SNX3: variants seen among roughly 807,000 people sequenced by gnomAD.
SNX3 encodes the protein sorting nexin 3, also known as sorting nexin-3.
A neutral mutation model predicts 17.7 loss-of-function variants in SNX3; 5 were observed. The ratio of observed to expected loss-of-function variants is 0.28; its 90% CI spans 0.15 to 0.59. The LOEUF (loss-of-function observed/expected upper bound fraction) is 0.59. Among genes scored for constraint, SNX3 ranks in the 20% least tolerant of loss-of-function variants. SNX3 has a pLI of 0.88. For synonymous variants in SNX3, 91 were observed against 76.5 expected (o/e 1.19, Z -0.99); for missense variants, 132 against 206.8 (o/e 0.64, Z 2.22).
intron 1 of SNX3, among the ~76,000 whole-genome samples, chr6:108,227,846 G>C (rs1775022408): frequency 6.6e-6 from 1 of 151,164 alleles, no homozygotes; most frequent in African/African-American, 2.4e-5. Flanking sequence ...TGTTGTTTAA[G>C]GTACTGAACT....
chr6:108,213,437 AG>A (rs1161616337), intron 3 of SNX3, among the ~76,000 whole-genome samples: 2 of 151,968 alleles, frequency 1.3e-5, no homozygotes, highest in Non-Finnish European at 2.9e-5. Flanking sequence ...AGATCACTTG[AG>A]GTCAGGAGTT....
intron 1 of SNX3, among the ~76,000 whole-genome samples, chr6:108,238,502 T>G (rs899619373): frequency 2.0e-5 from 3 of 152,088 alleles, no homozygotes; most frequent in African/African-American, 7.2e-5. Flanking sequence ...CGGTGGCATG[T>G]GCCTGTAGTC....
Position 108,212,041 on chromosome 6 carries a change from C to A in SNX3, c.*108G>T. 3.2e-6 allele frequency: 2 copies of A among 621,970 alleles called. No homozygotes were observed. The allele number at this position is 621,970 out of a possible 1,614,324, so 38.5% of individuals were successfully genotyped here. A position where few individuals can be genotyped will look rare whatever the true frequency, so the allele number is the denominator to read the frequency against. On this transcript the variant is annotated 3_prime_UTR_variant, in exon 4 of 4. Transcript: ENST00000230085. The stretch of plus-strand genomic sequence containing the variant: ...AACTGAGCATATGAGTGTTAGTATA[C>A]TGAAGGCATGTTATACCAGTTTCTG...
intron 1 of SNX3, among the ~76,000 whole-genome samples, chr6:108,257,186 T>C (rs370416376): frequency 3.9e-5 from 6 of 152,080 alleles, no homozygotes; most frequent in Non-Finnish European, 7.3e-5. Flanking sequence ...AGGTAGTCAG[T>C]AGGGGTTCGG....
At chr6:108,260,252 T>C (rs1399150284) in intron 1 of SNX3, among the ~76,000 whole-genome samples, 5 of 152,300 alleles carry the variant, frequency 3.3e-5, no homozygotes, top group African/African-American at 1.2e-4. Context: ...CAGGCTTCTG[T>C]GAACTTTCAT....
At chr6:108,222,859 C>T in intron 2 of SNX3, 91 bp downstream of exon 2, 1 of 762,004 alleles carries the variant, frequency 1.3e-6, no homozygotes, top group African/African-American at 1.8e-5. Flanking sequence ...TTTGCTTTTA[C>T]CCATTTTATT....
chr6:108,226,503 T>C (rs1774978331), intron 1 of SNX3, among the ~76,000 whole-genome samples: 1 of 152,232 alleles, frequency 6.6e-6, no homozygotes, highest in African/African-American at 2.4e-5. Flanking sequence ...TTATATTCTG[T>C]CCGTTAATTC....
intron 1 of SNX3, among the ~76,000 whole-genome samples, chr6:108,240,183 T>G (rs979802181): frequency 2.0e-5 from 3 of 152,088 alleles, no homozygotes; most frequent in African/African-American, 7.2e-5. Context: ...ACTACTCAAC[T>G]CAGTTATGAA....
intron 1 of SNX3, among the ~76,000 whole-genome samples, chr6:108,224,266 C>T (rs936624275): frequency 5.3e-5 from 8 of 152,014 alleles, no homozygotes; most frequent in African/African-American, 1.9e-4. Flanking sequence ...ACTGTGCTGG[C>T]TCACTTAACT....
chr6:108,222,339 G>C, intron 2 of SNX3: 1 of 1,303,432 alleles, frequency 7.7e-7, no homozygotes, highest in Non-Finnish European at 1.0e-6. Context: ...AGAGACACCA[G>C]AGTGAGACCT....
intron 1 of SNX3, among the ~76,000 whole-genome samples, chr6:108,259,332 C>G (rs540571542): frequency 6.6e-6 from 1 of 152,296 alleles, no homozygotes; most frequent in South Asian, 2.1e-4. Context: ...CTCCCCAGTT[C>G]AAGAGATTCT....
chr6:108,216,333 CTAGACAACA>C (rs1473025207), intron 2 of SNX3, among the ~76,000 whole-genome samples: 14 of 152,324 alleles, frequency 9.2e-5, no homozygotes, highest in African/African-American at 3.4e-4. Flanking sequence ...CCTCTGCCCA[CTAGACAACA>C]TAGCACCCCC....
chr6:108,222,538 G>C (rs1340095485), intron 2 of SNX3, among the ~76,000 whole-genome samples: 2 of 152,108 alleles, frequency 1.3e-5, no homozygotes, highest in Non-Finnish European at 2.9e-5. Context: ...TGAAACTTCT[G>C]TTACATGAAC....
At chr6:108,241,143 CAAAAAAAAAAA>C (rs71274311) in intron 1 of SNX3, among the ~76,000 whole-genome samples, 2 of 51,184 alleles carry the variant, frequency 3.9e-5, no homozygotes, top group African/African-American at 6.5e-5. Context: ...GACTCCGTCT[CAAAAAAAAAAA>C]AAAAAAAAAA....
At chr6:108,251,622 T>A (rs1775862538) in intron 1 of SNX3, among the ~76,000 whole-genome samples, 1 of 152,166 alleles carries the variant, frequency 6.6e-6, no homozygotes, top group South Asian at 2.1e-4. Flanking sequence ...CCTCTCCATG[T>A]GGAGAAAAAA....
chr6:108,222,321 C>G (rs946262395), intron 2 of SNX3: 1 of 1,303,834 alleles, frequency 7.7e-7, no homozygotes, highest in Non-Finnish European at 1.0e-6. Context: ...TGAGGCAGGG[C>G]TGAAATGAGA....
chr6:108,248,162 C>G (rs1451428039), intron 1 of SNX3, among the ~76,000 whole-genome samples: 1 of 152,164 alleles, frequency 6.6e-6, no homozygotes, highest in Non-Finnish European at 1.5e-5. Context: ...TTTCTGCCCA[C>G]ACACACTCCT....
intron 2 of SNX3, 67 bp downstream of exon 2, chr6:108,222,883 C>T: frequency 1.1e-6 from 1 of 927,412 alleles, no homozygotes; most frequent in South Asian, 1.4e-5. Context: ...TATCATTTTC[C>T]TGAGAAATAT....
chr6:108,249,359 T>C (rs1360711647), intron 1 of SNX3, among the ~76,000 whole-genome samples: 1 of 151,990 alleles, frequency 6.6e-6, no homozygotes, highest in Non-Finnish European at 1.5e-5. Context: ...GAAGTGGAGG[T>C]TGCAGTGAGC....
Sources: gnomAD v4.1 joint callset for allele counts (sites outside exome capture counted in the v4.1 genomes callset) on GRCh38, gnomAD v4.1.1 for gene constraint, MANE v1.5 for transcripts, NCBI Gene and HGNC (gene_info 2026-07-23, HGNC 2026-07-21) for gene names.